The following ABCA4 variants were observed in gnomAD, a reference collection of about 807,000 sequenced individuals.
The protein encoded by ABCA4 is ATP binding cassette subfamily A member 4, also known as retinal-specific phospholipid-transporting ATPase ABCA4.
In ABCA4, 196 loss-of-function variants were observed where a neutral mutation model predicts 263.7. The observed-to-expected ratio is 0.74, with a 90% CI of 0.66 to 0.84. The LOEUF (loss-of-function observed/expected upper bound fraction) is 0.84, where lower values mean the gene tolerates loss of function less well. ABCA4 is among the 40% of genes least tolerant of loss of function. The pLI is 0.00. For synonymous variants in ABCA4, 1,133 were observed against 1,094.2 expected, an observed-to-expected ratio of 1.04 and a Z score of -0.70; for missense variants, 2,792 against 2,855.1, an observed-to-expected ratio of 0.98 and a Z score of 0.50.
At chr1:94,062,525 C>T in intron 13 of ABCA4, 52 bp downstream of exon 13, 1 of 1,359,406 alleles carries the variant, frequency 7.4e-7, no homozygotes, top group South Asian at 1.2e-5. Flanking sequence ...CCAGCCCACT[C>T]CAGCACCCCC....
chr1:94,028,135 A>G (rs1317789808), intron 30 of ABCA4, among the ~76,000 whole-genome samples: 4 of 152,234 alleles, frequency 2.6e-5, no homozygotes, highest in Non-Finnish European at 4.4e-5. Flanking sequence ...TAAGGCTCAG[A>G]GAGGTCAAGT....
Position 94,060,662 on chromosome 1 carries a change from CCTT to C in ABCA4, c.2032_2034del (p.Lys678del). On this transcript the variant is annotated inframe_deletion, in exon 14 of 50. Coordinates refer to ENST00000370225, the MANE Select transcript of ABCA4 (RefSeq NM_000350.3). ...TTCAAGGTCTCCTTCAGTCGCAACT[CCTT>C]CTCCAAGACGATGCTCTTCACAGTC... 6.2e-7 allele frequency: 1 copy of C among 1,614,154 alleles called. No homozygotes were observed. Among genetic ancestry groups the C allele is most frequent in the African/African-American group, 1.3e-5 (1 of 75,034 alleles).
intron 6 of ABCA4, among the ~76,000 whole-genome samples, chr1:94,095,515 G>A (rs1662100210): frequency 6.6e-6 from 1 of 152,190 alleles, no homozygotes; most frequent in Middle Eastern, 3.2e-3. Context: ...TTCCCGCACT[G>A]CAGCTAAGCA....
intron 47 of ABCA4, 140 bp downstream of exon 47, chr1:94,000,696 G>A (rs1659149098): frequency 1.1e-6 from 1 of 880,246 alleles, no homozygotes. Context: ...ATCTGCTGCT[G>A]GAGAATGAGG....
chr1:94,013,438 G>C (rs1659628535), intron 38 of ABCA4, among the ~76,000 whole-genome samples: 1 of 152,204 alleles, frequency 6.6e-6, no homozygotes, highest in African/African-American at 2.4e-5. Flanking sequence ...GGAGGTGGGT[G>C]TGGCAGGGCA....
intron 3 of ABCA4, 110 bp from the exon 4 acceptor site, chr1:94,108,826 GC>G (rs2101156449): frequency 7.5e-7 from 1 of 1,334,728 alleles, no homozygotes; most frequent in Non-Finnish European, 1.0e-6. Flanking sequence ...AGGCTGGAGT[GC>G]AGTGGCGTGA....
rs541716237 is a variant in ABCA4 at position 94,094,605 on chromosome 1, C to T, written c.768+4189G>A. On this transcript the variant is annotated intron_variant, in intron 6 of 49. Transcript: ENST00000370225. The stretch of plus-strand genomic sequence containing the variant: ...GGGGAAGGGAGGGAGACTCAGACTT[C>T]CCAGCAGCATGGCAGGTCTTGGCAC... Among the ~76,000 whole-genome samples, 10 of 152,300 alleles carry T rather than the reference C, an allele frequency of 6.6e-5. No homozygotes were observed. The East Asian group carries it at 1.7e-3, about 26-fold the overall frequency.
At position 94,031,109 on chromosome 1, in the gene ABCA4, C is replaced by A; in HGVS notation, c.4140G>T (p.Pro1380=). ...TCAGAGCCAAAAACACAAAGGTAGCCGGGAGCACGATCTGTGGGAGAATAG... is the reference window on the plus strand; with the variant it reads ...TCAGAGCCAAAAACACAAAGGTAGCAGGGAGCACGATCTGTGGGAGAATAG... ...HKDFLAQIVL[P]ATFVFLALML... The change falls in exon 28 of 50, where the codon CCG becomes CCT. Residue 1380 remains proline (P), a synonymous_variant. Transcript: ENST00000370225. 1 of 1,614,092 alleles carries A rather than the reference C, an allele frequency of 6.2e-7. No individual in the cohort carries two copies.
At chr1:94,045,754 A>C (rs771645321) in intron 19 of ABCA4, 1 of 456,282 alleles carries the variant, frequency 2.2e-6, no homozygotes, top group South Asian at 1.5e-5. Context: ...TTCCATTCAC[A>C]CTGAACCGCC....
chr1:94,099,391 C>T (rs1317604122), intron 5 of ABCA4, among the ~76,000 whole-genome samples: 1 of 152,158 alleles, frequency 6.6e-6, no homozygotes, highest in African/African-American at 2.4e-5. Flanking sequence ...CTGCTGATGC[C>T]CTAACTTTCA....
rs547063913 is a variant in ABCA4 at position 94,063,143 on chromosome 1, C to T, written c.1729G>A (p.Val577Met). 35 of 1,614,124 alleles carry T rather than the reference C, an allele frequency of 2.2e-5. No homozygotes were observed. The South Asian group carries it at 2.4e-4, about 11-fold the overall frequency. Residue 577 changes from valine (V) to methionine (M), a missense_variant, in exon 12 of 50, where the codon GTG becomes ATG. Physicochemically the swap from Val to Met is conservative, Grantham distance 21. Coordinates refer to ENST00000370225, the MANE Select transcript of ABCA4 (RefSeq NM_000350.3). Reference protein sequence around the residue: ...VKYKIRMDIDVVEKTNKIKDR... With the variant: ...VKYKIRMDIDMVEKTNKIKDR... ...TTAATCTTATTGGTTTTCTCCACCA[C>T]GTCTATGTCCATTCGGATCTTATAC...
intron 17 of ABCA4, among the ~76,000 whole-genome samples, chr1:94,050,924 C>G (rs1660825064): frequency 6.6e-6 from 1 of 152,254 alleles, no homozygotes; most frequent in Admixed American, 6.5e-5. Flanking sequence ...AGTACTTCAG[C>G]TCTAGGGGAG....
chr1:94,025,187 C>T, intron 30 of ABCA4, 139 bp from the exon 31 acceptor site: 1 of 754,722 alleles, frequency 1.3e-6, no homozygotes, highest in Non-Finnish European at 2.4e-6. Flanking sequence ...CTGGCATCTC[C>T]CTAGTTCTCA....
intron 5 of ABCA4, among the ~76,000 whole-genome samples, chr1:94,100,701 C>A (rs1032390211): frequency 6.6e-6 from 1 of 152,174 alleles, no homozygotes; most frequent in African/African-American, 2.4e-5. Context: ...TGGTGAGGTT[C>A]CTTCTGAGCT....
intron 28 of ABCA4, 24 bp from the exon 29 acceptor site, chr1:94,030,550 TG>T (rs1282733670): frequency 6.2e-7 from 1 of 1,608,448 alleles, no homozygotes; most frequent in Non-Finnish European, 8.5e-7. Flanking sequence ...GACATGTGAC[TG>T]GGACAGAGCA....
chr1:94,048,802 C>T (rs1455258739), intron 18 of ABCA4, 66 bp downstream of exon 18: 8 of 1,494,910 alleles, frequency 5.4e-6, no homozygotes, highest in African/African-American at 2.8e-5. Flanking sequence ...ATGTTTTGCT[C>T]TGGCCCTCTG....
rs555519715 is a variant in ABCA4, at chr1:93,994,534, TTA to T, written c.6817-1294_6817-1293del. Among the ~76,000 whole-genome samples the T allele has an allele frequency of 1.5e-4, 23 of 152,344 alleles. 1 individual carries two copies. In the East Asian group the frequency reaches 2.1e-3, roughly 14 times the overall value. On this transcript the variant is annotated intron_variant, in intron 49 of 49. Transcript: ENST00000370225. Reference sequence around the variant, plus strand: ...GCCTTTTTCTTGTTTGAAGAATACTTTAAAGGAAATTATTTTGAAGTGGTATA... The same window carrying T: ...GCCTTTTTCTTGTTTGAAGAATACTTAAGGAAATTATTTTGAAGTGGTATA...
At chr1:94,069,461 T>C (rs1661352251) in intron 11 of ABCA4, among the ~76,000 whole-genome samples, 1 of 152,172 alleles carries the variant, frequency 6.6e-6, no homozygotes, top group Non-Finnish European at 1.5e-5. Flanking sequence ...AGGGAGCCAC[T>C]GCCCGCTTAG....
intron 17 of ABCA4, among the ~76,000 whole-genome samples, chr1:94,049,411 G>T (rs1182344614): frequency 6.6e-6 from 1 of 152,152 alleles, no homozygotes; most frequent in African/African-American, 2.4e-5. Flanking sequence ...GTATCATGAG[G>T]TCAGGAGTTC....
Sources: allele counts gnomAD v4.1 joint callset (sites outside exome capture counted in the v4.1 genomes callset), GRCh38; gene constraint gnomAD v4.1.1; transcripts MANE v1.5; gene names NCBI Gene and HGNC (gene_info 2026-07-23, HGNC 2026-07-21).